Variants in VAMP7 observed in about 807,000 individuals in gnomAD.
The protein encoded by VAMP7 is vesicle-associated membrane protein 7.
In VAMP7, 14 loss-of-function variants were observed where a neutral mutation model predicts 29.6. The observed-to-expected ratio is 0.47, with a 90% CI of 0.31 to 0.74. VAMP7 has a LOEUF of 0.74. Among genes scored for constraint, VAMP7 ranks in the 30% least tolerant of loss-of-function variants. VAMP7 has a pLI of 0.05. For synonymous variants in VAMP7, 95 were observed against 88.1 expected, an observed-to-expected ratio of 1.08 and a Z score of -0.44; for missense variants, 223 against 262.4, an observed-to-expected ratio of 0.85 and a Z score of 1.04.
intron 6 of VAMP7, among the ~76,000 whole-genome samples, chrX:155,937,917 C>T (rs1034449630): frequency 1.3e-5 from 2 of 152,128 alleles, no homozygotes; most frequent in African/African-American, 4.8e-5. Flanking sequence ...ACAACCTAGA[C>T]ATTTTGCTGT....
chrX:155,915,157 T>G (rs978087430), intron 5 of VAMP7, among the ~76,000 whole-genome samples: 1 of 152,174 alleles, frequency 6.6e-6, no homozygotes, highest in African/African-American at 2.4e-5. Flanking sequence ...CATAGAGGTG[T>G]TTATAGTATT....
intron 2 of VAMP7, among the ~76,000 whole-genome samples, chrX:155,892,878 G>A (rs1429751014): frequency 1.3e-5 from 2 of 151,806 alleles, no homozygotes; most frequent in Admixed American, 6.6e-5. Context: ...TCAGCCTCCC[G>A]AGTAACTGGG....
At chrX:155,909,437 C>A (rs780674644) in intron 5 of VAMP7, among the ~76,000 whole-genome samples, 16 of 152,176 alleles carry the variant, frequency 1.1e-4, no homozygotes, top group African/African-American at 3.6e-4. Flanking sequence ...CTTCTGGTTT[C>A]ATAGATTTTT....
At position 155,942,225 on chromosome X, in the gene VAMP7, T is replaced by C; in HGVS notation, c.*274T>C. Reference sequence around the variant, plus strand: ...GGTTTGTTAACTAGTGTCATCTATTTAGAGAAACATTTTTGTTTTTAATTG... The same window carrying C: ...GGTTTGTTAACTAGTGTCATCTATTCAGAGAAACATTTTTGTTTTTAATTG... On this transcript the variant is annotated 3_prime_UTR_variant, in exon 8 of 8. Transcript: ENST00000286448. 6.8e-7 allele frequency: 1 copy of C among 1,474,792 alleles called. No homozygotes were observed. The highest frequency in any genetic ancestry group is 9.0e-7 in the Non-Finnish European group (1 of 1,108,986). 91.4% of individuals were successfully genotyped at this position (1,474,792 alleles called of 1,614,324 possible).
intron 6 of VAMP7, among the ~76,000 whole-genome samples, chrX:155,934,253 C>G (rs1203467678): frequency 1.5e-4 from 23 of 152,104 alleles, no homozygotes. Flanking sequence ...CCTGGATATC[C>G]TTGTTAACTT....
At chrX:155,898,361 G>C in intron 4 of VAMP7, 112 bp downstream of exon 4, 2 of 1,372,298 alleles carry the variant, frequency 1.5e-6, no homozygotes, top group Non-Finnish European at 9.8e-7. Context: ...TTGTGTTACT[G>C]TAAGCCAACA....
In VAMP7 at chrX:155,914,893, G is replaced by C. The variant is rs1252114125; in HGVS notation, c.434-4920G>C. 3.9e-5 allele frequency among the ~76,000 whole-genome samples: 6 copies of C among 152,134 alleles called. No individual in the cohort carries two copies. The East Asian group carries it at 1.2e-3, about 29-fold the overall frequency. On this transcript the variant is annotated intron_variant, in intron 5 of 7. Transcript: ENST00000286448. ...TGGCCTCATAAAATGAGTTAGGGAG[G>C]AGTCCCTCTTCTTCTGTTGTTTGGA...
At chrX:155,901,581 TC>T (rs2066063013) in intron 5 of VAMP7, among the ~76,000 whole-genome samples, 1 of 152,184 alleles carries the variant, frequency 6.6e-6, no homozygotes, top group Non-Finnish European at 1.5e-5. Flanking sequence ...GTTTCAGCTT[TC>T]TACATATGGC....
At chrX:155,935,243 G>A (rs1371221863) in intron 6 of VAMP7, among the ~76,000 whole-genome samples, 1 of 151,968 alleles carries the variant, frequency 6.6e-6, no homozygotes. Flanking sequence ...TTGAATGTTG[G>A]CCTGCCTTGC....
chrX:155,895,315 C>G (rs1177750549), intron 2 of VAMP7, among the ~76,000 whole-genome samples: 1 of 152,200 alleles, frequency 6.6e-6, no homozygotes, highest in Non-Finnish European at 1.5e-5. Flanking sequence ...CATCCTCCTC[C>G]TAAGATGTCA....
At chrX:155,932,290 AC>A (rs1313093682) in intron 6 of VAMP7, among the ~76,000 whole-genome samples, 1 of 152,110 alleles carries the variant, frequency 6.6e-6, no homozygotes, top group African/African-American at 2.4e-5. Context: ...TCTATAAATT[AC>A]CTTGGGCAGT....
At chrX:155,898,717 C>T (rs2066020072) in intron 4 of VAMP7, among the ~76,000 whole-genome samples, 1 of 152,056 alleles carries the variant, frequency 6.6e-6, no homozygotes, top group African/African-American at 2.4e-5. Flanking sequence ...GTACTTAAGA[C>T]AGCATTTTAA....
At position 155,889,521 on chromosome X, in the gene VAMP7, G is replaced by A. The variant is rs764438604; in HGVS notation, c.55G>A (p.Ala19Thr). Residue 19 changes from alanine to threonine, a missense_variant, in exon 2 of 8, where the codon GCT (alanine) becomes ACT (threonine). Coordinates refer to ENST00000286448, the MANE Select transcript of VAMP7 (RefSeq NM_005638.6). ...GGGGACCACTATCCTTGCCAAACAT[G>A]CTTGGTGTGGAGGAAACTTCCTGGA... ...ARGTTILAKH[A>T]WCGGNFLEVT... 9.9e-6 allele frequency: 16 copies of A among 1,613,772 alleles called. No homozygotes were observed. In the Admixed American group the frequency reaches 2.7e-4, roughly 27 times the overall value.
At chrX:155,909,263 C>T (rs1273575122) in intron 5 of VAMP7, among the ~76,000 whole-genome samples, 27 of 152,110 alleles carry the variant, frequency 1.8e-4, no homozygotes, top group Middle Eastern at 3.2e-3. Context: ...AATTTATTTA[C>T]ACACTCCTGT....
At chrX:155,913,870 C>G (rs1602969769) in intron 5 of VAMP7, among the ~76,000 whole-genome samples, 1 of 152,008 alleles carries the variant, frequency 6.6e-6, no homozygotes, top group South Asian at 2.1e-4. Flanking sequence ...TTTTTTGGTT[C>G]CAAATGAAAT....
At chrX:155,927,417 AAAAC>A (rs969774392) in intron 6 of VAMP7, among the ~76,000 whole-genome samples, 2 of 150,832 alleles carry the variant, frequency 1.3e-5, no homozygotes, top group African/African-American at 4.9e-5. Context: ...GGAAAAAAAA[AAAAC>A]AAACCAGAAA....
At chrX:155,920,737 A>C (rs2066383174) in intron 6 of VAMP7, among the ~76,000 whole-genome samples, 2 of 152,210 alleles carry the variant, frequency 1.3e-5, no homozygotes, top group Non-Finnish European at 2.9e-5. Flanking sequence ...TACCCACTTC[A>C]GAGCATTTTA....
At chrX:155,934,240 A>G in intron 6 of VAMP7, among the ~76,000 whole-genome samples, 1 of 152,232 alleles carries the variant, frequency 6.6e-6, no homozygotes, top group South Asian at 2.1e-4. Flanking sequence ...GCTGAGTTCA[A>G]TTCCTGGATA....
rs186031176 is a variant in VAMP7, at chrX:155,919,022, G to A, written c.434-791G>A. 3.6e-3 allele frequency among the ~76,000 whole-genome samples: 551 copies of A among 152,272 alleles called. 3 individuals carry two copies. The highest frequency in any genetic ancestry group is 6.8e-3 in the Middle Eastern group (2 of 294). ...GATTTTTGCATCTGTGATCATCAGG[G>A]TTGTTGGCCTGCAGTTTTGTTTTTT... On this transcript the variant is annotated intron_variant, in intron 5 of 7. Coordinates refer to ENST00000286448, the MANE Select transcript of VAMP7 (RefSeq NM_005638.6).
Sources: gnomAD v4.1 joint callset for allele counts (sites outside exome capture counted in the v4.1 genomes callset) on GRCh38, gnomAD v4.1.1 for gene constraint, MANE v1.5 for transcripts, NCBI Gene and HGNC (gene_info 2026-07-23, HGNC 2026-07-21) for gene names.